Variants in MAN2B1 observed in about 807,000 individuals in gnomAD.
MAN2B1 encodes lysosomal alpha-mannosidase.
A neutral mutation model predicts 127.5 loss-of-function variants in MAN2B1; 99 were observed. The ratio of observed to expected loss-of-function variants is 0.78; its 90% CI spans 0.66 to 0.92. MAN2B1 has a LOEUF of 0.92. Among genes scored for constraint, MAN2B1 ranks in the 40% least tolerant of loss-of-function variants. The pLI, the probability that MAN2B1 is intolerant of heterozygous loss-of-function variation, is 0.00. For synonymous variants in MAN2B1, 573 were observed against 568.8 expected (o/e 1.01, Z -0.11); for missense variants, 1,304 against 1,384.8 (o/e 0.94, Z 0.93).
At chr19:12,666,400 G>T in intron 1 of MAN2B1, 143 bp downstream of exon 1, 2 of 922,148 alleles carry the variant, frequency 2.2e-6, no homozygotes, top group Non-Finnish European at 1.7e-6. Context: ...ACCTCGCAAT[G>T]ACACAAAGCA....
chr19:12,657,639 G>A lies in MAN2B1; in HGVS notation c.1310-84C>T, dbSNP rs921795435. ...GAAGCGAAAGGTCCGGTGCTGGCGG[G>A]CAGGATTCTTAGAGGCTTTAAGAAG... On this transcript the variant is annotated intron_variant, in intron 10 of 23. Coordinates refer to ENST00000456935, the MANE Select transcript of MAN2B1 (RefSeq NM_000528.4). 1.8e-5 allele frequency: 22 copies of A among 1,225,398 alleles called. No homozygotes were observed. In the Admixed American group the frequency reaches 3.0e-4, roughly 17 times the overall value. The allele number at this position is 1,225,398 out of a possible 1,614,324, so 75.9% of individuals were successfully genotyped here. A position where few individuals can be genotyped will look rare whatever the true frequency, so the allele number is the denominator to read the frequency against.
chr19:12,650,540 A>C (rs556247034), intron 16 of MAN2B1, among the ~76,000 whole-genome samples: 2 of 149,832 alleles, frequency 1.3e-5, no homozygotes, highest in East Asian at 4.0e-4. Context: ...TTGTATTTTT[A>C]GTAGAGATGG....
chr19:12,646,976 C>T (rs2023703155), intron 23 of MAN2B1: 1 of 606,696 alleles, frequency 1.6e-6, no homozygotes, highest in African/African-American at 1.8e-5. Context: ...TGATGAACAC[C>T]CTCCCAGAAC....
chr19:12,655,719 G>C lies in MAN2B1; in HGVS notation c.1805C>G (p.Ser602Cys). The C allele has an allele frequency of 6.2e-7, 1 of 1,610,070 alleles. No homozygotes were observed. The highest frequency in any genetic ancestry group is 8.5e-7 in the Non-Finnish European group (1 of 1,177,380). ...APQPIPRRSW[S>C]PALTIENEHI... ...CTCATTTTCGATGGTTAAAGCAGGG[G>C]ACCAGGATCTTCTGGGGATGGGCTG... Residue 602 changes from serine to cysteine, a missense_variant, in exon 14 of 24, where the codon TCC becomes TGC. By Grantham distance (112) the Ser-to-Cys change is moderately radical. Coordinates refer to ENST00000456935, the MANE Select transcript of MAN2B1 (RefSeq NM_000528.4).
rs768347546 is a variant in MAN2B1 at position 12,650,226 on chromosome 19, C to T, written c.2047-4G>A. On this transcript the variant is annotated splice_polypyrimidine_tract_variant and splice_region_variant and intron_variant, in intron 16 of 23. Coordinates refer to ENST00000456935, the MANE Select transcript of MAN2B1 (RefSeq NM_000528.4). ...GCACCTCCTGCACCAAGGGTGTCTG[C>T]GGGCACACGGGTGAGGTGGATGTCA... is the stretch of plus-strand genomic sequence containing the variant. 8.8e-5 allele frequency: 139 copies of T among 1,584,064 alleles called. No homozygotes were observed. The highest frequency in any genetic ancestry group is 6.7e-4 in the Middle Eastern group (4 of 6,002).
chr19:12,665,194 T>A, intron 3 of MAN2B1, 158 bp downstream of exon 3: 1 of 1,071,700 alleles, frequency 9.3e-7, no homozygotes, highest in Non-Finnish European at 1.4e-6. Context: ...TGGGGCTTTG[T>A]GGGATGTATA....
Position 12,657,514 on chromosome 19 carries a change from C to A in MAN2B1, c.1351G>T (p.Gly451Cys), listed in dbSNP as rs368899357. 6.4e-6 allele frequency: 10 copies of A among 1,565,722 alleles called. No homozygotes were observed. Among genetic ancestry groups the A allele is most frequent in the African/African-American group, 1.4e-5 (1 of 73,896 alleles). The change falls in exon 11 of 24, where the codon GGC becomes TGC. Residue 451 changes from glycine (G) to cysteine (C), a missense_variant. Physicochemically the swap from Gly to Cys is radical, Grantham distance 159 (BLOSUM62 -3). Transcript: ENST00000456935. ...AVLQHHDAVS[G>C]TSRQHVANDY... ...TTGGCCACGTGCTGGCGGGAGGTGC[C>A]GCTGACGGCGTCGTGATGCTGGAGC...
intron 16 of MAN2B1, among the ~76,000 whole-genome samples, chr19:12,651,615 C>T (rs925836954): frequency 2.6e-5 from 4 of 152,070 alleles, no homozygotes; most frequent in African/African-American, 7.2e-5. Context: ...ACATGAAACG[C>T]GAGGCTCTTG....
chr19:12,658,064 G>A lies in MAN2B1; in HGVS notation c.1308C>T (p.Leu436=), dbSNP rs917258626. Residue 436 remains leucine (L), a splice_region_variant and synonymous_variant, in exon 10 of 24, where the codon CTC becomes CTT. Coordinates refer to ENST00000456935, the MANE Select transcript of MAN2B1 (RefSeq NM_000528.4). The stretch of plus-strand genomic sequence containing the variant: ...TCCCCTCTTGGGCCCGACACTTACT[G>A]AGGGGTGCACTGTCTCCGGAGCCAT... ...GPYGSGDSAP[L]NEAMAVLQHH... 1.9e-6 allele frequency: 3 copies of A among 1,612,906 alleles called. No individual in the cohort carries two copies. The highest frequency in any genetic ancestry group is 1.3e-5 in the African/African-American group (1 of 74,816).
intron 6 of MAN2B1, among the ~76,000 whole-genome samples, chr19:12,662,615 G>GCAAGAC (rs1555709351): frequency 6.6e-6 from 1 of 151,536 alleles, no homozygotes. Context: ...GGGCGACAGA[G>GCAAGAC]TGAGTCTAAA....
rs570034271 is a variant in MAN2B1 at position 12,647,843 on chromosome 19, T to C, written c.2665-245A>G. Among the ~76,000 whole-genome samples the C allele has an allele frequency of 2.5e-4, 36 of 145,274 alleles. No homozygotes were observed. The highest frequency in any genetic ancestry group is 8.9e-4 in the African/African-American group (35 of 39,266). On this transcript the variant is annotated intron_variant, in intron 21 of 23. Transcript: ENST00000456935. The surrounding 1 kb of genome is among the most constrained non-coding windows in gnomAD (Gnocchi z 4.9). ...GCAGAACTGATGTGACCTGAGACTT[T>C]GGGAGTTACGGCGGGGCTGAAGCCG...
intron 11 of MAN2B1, 154 bp from the exon 12 acceptor site, chr19:12,657,210 C>A: frequency 1.4e-6 from 1 of 709,448 alleles, no homozygotes; most frequent in Non-Finnish European, 2.5e-6. Flanking sequence ...CTTGACTATA[C>A]CCCATAGCTG....
chr19:12,655,170 A>C (rs1335401501), intron 14 of MAN2B1, among the ~76,000 whole-genome samples: 1 of 152,210 alleles, frequency 6.6e-6, no homozygotes, highest in Non-Finnish European at 1.5e-5. Context: ...ACACATGAGC[A>C]ACAATGACTG....
At chr19:12,656,402 C>A in intron 13 of MAN2B1, 169 bp downstream of exon 13, 1 of 615,294 alleles carries the variant, frequency 1.6e-6, no homozygotes, top group Non-Finnish European at 2.9e-6. Context: ...GGCATATGTT[C>A]CCAAGGGGAG....
In MAN2B1 at chr19:12,647,869, C is replaced by G. The variant is rs1043706951; in HGVS notation, c.2665-271G>C. Among the ~76,000 whole-genome samples the G allele has an allele frequency of 4.0e-5, 5 of 123,610 alleles. No homozygotes were observed. The highest frequency in any genetic ancestry group is 9.2e-5 in the African/African-American group (3 of 32,584). 81.1% of individuals were successfully genotyped at this position (123,610 alleles called of 152,430 possible). A position where few individuals can be genotyped will look rare whatever the true frequency, so the allele number is the denominator to read the frequency against. On this transcript the variant is annotated intron_variant, in intron 21 of 23. Coordinates refer to ENST00000456935, the MANE Select transcript of MAN2B1 (RefSeq NM_000528.4). The surrounding 1 kb of genome is among the most constrained non-coding windows in gnomAD (Gnocchi z 4.9). ...GGGAGTTACGGCGGGGCTGAAGCCGCGGGGCTGGGTGAGGCAGGACAGAGC... is the reference window on the plus strand; with the variant it reads ...GGGAGTTACGGCGGGGCTGAAGCCGGGGGGCTGGGTGAGGCAGGACAGAGC...
rs140281123 is a variant in MAN2B1, at chr19:12,648,333, C to A, written c.2506G>T (p.Ala836Ser). Residue 836 changes from alanine to serine, a missense_variant, in exon 21 of 24, where the codon GCG becomes TCG. Ala to Ser is a moderately conservative substitution (Grantham distance 99). Coordinates refer to ENST00000456935, the MANE Select transcript of MAN2B1 (RefSeq NM_000528.4). ...ACCAGGTGGCGCCCTCGCACCCACGCCCCCGACCCGTTCTCCATTAGTGGC... is the reference window on the plus strand; with the variant it reads ...ACCAGGTGGCGCCCTCGCACCCACGACCCCGACCCGTTCTCCATTAGTGGC... ...SEPLMENGSG[A>S]WVRGRHLVLL... The A allele has an allele frequency of 6.2e-6, 10 of 1,613,716 alleles. No individual in the cohort carries two copies. The highest frequency in any genetic ancestry group is 8.5e-6 in the Non-Finnish European group (10 of 1,179,928).
Position 12,652,192 on chromosome 19 carries a change from C to A in MAN2B1, c.2007G>T (p.Pro669=), listed in dbSNP as rs762152042. The A allele has an allele frequency of 6.2e-7, 1 of 1,614,052 alleles. No homozygotes were observed. Among genetic ancestry groups the A allele is most frequent in the Non-Finnish European group, 8.5e-7 (1 of 1,180,022 alleles). The change falls in exon 16 of 24, where the codon CCG becomes CCT. Residue 669 remains proline (P), a synonymous_variant. Transcript: ENST00000456935. ...TCTGAGCCCAGCGGCTCACAGGCAG[C>A]GGTTTCTGTTGGTTGGGTCTGAAGA... ...AYIFRPNQQK[P]LPVSRWAQIH... is the part of the protein sequence containing the mutation.
chr19:12,661,457 C>T, intron 6 of MAN2B1, 81 bp from the exon 7 acceptor site: 2 of 938,028 alleles, frequency 2.1e-6, no homozygotes, highest in Non-Finnish European at 3.5e-6. Flanking sequence ...TATATGGGGT[C>T]AAGGATGTTG....
Position 12,658,314 on chromosome 19 carries a change from G to T in MAN2B1, c.1140C>A (p.Tyr380Ter), listed in dbSNP as rs767768982. The change falls in exon 9 of 24, where the codon TAC becomes TAA. Residue 380 changes from tyrosine to a stop codon, truncating the protein, a stop_gained. Transcript: ENST00000456935. LOFTEE classifies it high-confidence loss of function. ...TCCAGAACTGGTGGGGGCCATCCGC[G>T]TAAGGGAAGAAGTCGTCATGTTTCA... ...WSVKHDDFFP[Y>*]ADGPHQFWTG... The T allele has an allele frequency of 1.2e-6, 2 of 1,614,112 alleles. No homozygotes were observed. Among genetic ancestry groups the T allele is most frequent in the Non-Finnish European group, 1.7e-6 (2 of 1,180,048 alleles).
Sources: allele counts gnomAD v4.1 joint callset (sites outside exome capture counted in the v4.1 genomes callset), GRCh38; gene constraint gnomAD v4.1.1; non-coding constraint Gnocchi (gnomAD v3.1); transcripts MANE v1.5; gene names NCBI Gene and HGNC (gene_info 2026-07-23, HGNC 2026-07-21).